The following PYGB variants were observed in gnomAD, a reference collection of about 807,000 sequenced individuals.
PYGB encodes glycogen phosphorylase B.
A neutral mutation model predicts 94.3 loss-of-function variants in PYGB; 82 were observed. That is an observed-to-expected ratio of 0.87 (90% CI 0.73 to 1.04). The LOEUF (loss-of-function observed/expected upper bound fraction) is 1.04, where lower values mean the gene tolerates loss of function less well. Among genes scored for constraint, PYGB ranks in the 50% least tolerant of loss-of-function variants. The pLI, the probability that PYGB is intolerant of heterozygous loss-of-function variation, is 0.00. For synonymous variants in PYGB, 488 were observed against 479.1 expected (o/e 1.02, Z -0.24); for missense variants, 1,132 against 1,158.2 (o/e 0.98, Z 0.33).
chr20:25,280,559 T>C, intron 10 of PYGB, 147 bp downstream of exon 10: 1 of 1,179,956 alleles, frequency 8.5e-7, no homozygotes, highest in East Asian at 2.5e-5. Flanking sequence ...GGCTGTCCCT[T>C]GGCAGAGCTA....
intron 17 of PYGB, 174 bp from the exon 18 acceptor site, chr20:25,293,984 T>C: frequency 2.6e-6 from 2 of 757,630 alleles, no homozygotes; most frequent in Non-Finnish European, 2.1e-6. Flanking sequence ...AGCAGGTCCC[T>C]GCTCAAGGGC....
intron 14 of PYGB, among the ~76,000 whole-genome samples, chr20:25,285,814 G>C (rs2257808): frequency 0.45 from 68,441 of 151,918 alleles, 16,029 homozygotes; most frequent in East Asian, 0.92. Context: ...TTTGAGTCTG[G>C]TGGTGAGTAT....
chr20:25,273,749 G>A (rs953618200), intron 4 of PYGB, among the ~76,000 whole-genome samples: 1 of 150,228 alleles, frequency 6.7e-6, no homozygotes, highest in African/African-American at 2.5e-5. Flanking sequence ...GGAACAGCTT[G>A]TCTTCCTGGG....
chr20:25,255,334 T>A (rs530076174), intron 1 of PYGB, among the ~76,000 whole-genome samples: 64 of 152,368 alleles, frequency 4.2e-4, no homozygotes, highest in African/African-American at 1.5e-3. Flanking sequence ...GGATGGTATC[T>A]GAGACTGCTC....
At chr20:25,265,955 A>G (rs1370808264) in intron 2 of PYGB, among the ~76,000 whole-genome samples, 1 of 151,956 alleles carries the variant, frequency 6.6e-6, no homozygotes, top group African/African-American at 2.4e-5. Context: ...AGCGTATCAG[A>G]TATGTGATTT....
intron 13 of PYGB, 83 bp downstream of exon 13, chr20:25,283,360 C>A: frequency 4.1e-6 from 5 of 1,227,134 alleles, no homozygotes; most frequent in Non-Finnish European, 5.8e-6. Context: ...CTCCTACAGG[C>A]CCAGCACAGG....
intron 7 of PYGB, 138 bp from the exon 8 acceptor site, chr20:25,278,181 C>G: frequency 1.0e-6 from 1 of 959,252 alleles, no homozygotes; most frequent in Non-Finnish European, 1.5e-6. Flanking sequence ...GGCACACAGG[C>G]AGGCCCCAGT....
intron 19 of PYGB, 100 bp from the exon 20 acceptor site, chr20:25,296,270 G>A (rs542426973): frequency 6.8e-5 from 99 of 1,451,614 alleles, no homozygotes; most frequent in East Asian, 3.5e-4. Context: ...CCCAAGGCTC[G>A]GAGCTCATTT....
At chr20:25,264,806 G>A (rs1441939735) in intron 2 of PYGB, among the ~76,000 whole-genome samples, 1 of 152,238 alleles carries the variant, frequency 6.6e-6, no homozygotes, top group Non-Finnish European at 1.5e-5. Context: ...AACATTCCAT[G>A]CTCATGGATA....
chr20:25,280,632 C>T (rs2088357707), intron 10 of PYGB, among the ~76,000 whole-genome samples: 1 of 152,244 alleles, frequency 6.6e-6, no homozygotes, highest in Non-Finnish European at 1.5e-5. Flanking sequence ...AATTGCACGT[C>T]CTCTCCCTCA....
chr20:25,287,091 T>C (rs2088424890), intron 14 of PYGB, among the ~76,000 whole-genome samples: 1 of 152,164 alleles, frequency 6.6e-6, no homozygotes, highest in Non-Finnish European at 1.5e-5. Flanking sequence ...GCTCATCCCC[T>C]TTTTGTAGGA....
intron 1 of PYGB, among the ~76,000 whole-genome samples, chr20:25,256,089 A>C (rs976099024): frequency 6.6e-6 from 1 of 152,152 alleles, no homozygotes; most frequent in African/African-American, 2.4e-5. Flanking sequence ...TTTCCACCAG[A>C]GTATTAAGAC....
At chr20:25,281,311 C>T (rs562696587) in intron 11 of PYGB, among the ~76,000 whole-genome samples, 199 bp downstream of exon 11, 5 of 152,342 alleles carry the variant, frequency 3.3e-5, no homozygotes, top group East Asian at 1.9e-4. Flanking sequence ...GACCAGCACA[C>T]GGGGGCCTCT....
chr20:25,292,266 G>C (rs559599649), intron 16 of PYGB, 140 bp from the exon 17 acceptor site: 6 of 982,508 alleles, frequency 6.1e-6, no homozygotes, highest in Admixed American at 2.5e-5. Context: ...GAGCGGGAGT[G>C]GGGGCTGGAG....
chr20:25,271,603 GC>G, intron 4 of PYGB, 117 bp downstream of exon 4: 1 of 1,138,648 alleles, frequency 8.8e-7, no homozygotes, highest in Non-Finnish European at 1.3e-6. Context: ...CTGCAGGCCG[GC>G]CAGGGCAATG....
At chr20:25,275,878 T>C (rs558860032) in intron 5 of PYGB, among the ~76,000 whole-genome samples, 3 of 152,244 alleles carry the variant, frequency 2.0e-5, no homozygotes, top group Admixed American at 6.5e-5. Flanking sequence ...GGGGTTTTAG[T>C]CTTGGTGGCC....
At position 25,279,163 on chromosome 20, in the gene PYGB, A is replaced by C. The variant is rs201179457; in HGVS notation, c.1092+14A>C. On this transcript the variant is annotated intron_variant, in intron 9 of 19. Coordinates refer to ENST00000216962, the MANE Select transcript of PYGB (RefSeq NM_002862.4). ...GACTGGGACAAGGTGAGCATGGAGG[A>C]AAAGGGCGGCACCTCCCCAGAGCCT... The C allele has an allele frequency of 2.2e-5, 36 of 1,611,588 alleles. No homozygotes were observed. The highest frequency in any genetic ancestry group is 2.7e-5 in the Non-Finnish European group (32 of 1,178,452).
rs138298329 is a variant in PYGB, at chr20:25,260,889, A to G, written c.345+1551A>G. On this transcript the variant is annotated intron_variant, in intron 2 of 19. Transcript: ENST00000216962. ...CGGAGCCTCACTCATTGCTAGCACA[A>G]CAGTATGAGATTGAACTGCAAGGCG... is the stretch of plus-strand genomic sequence containing the variant. Among the ~76,000 whole-genome samples, 417 of 152,334 alleles carry G rather than the reference A, an allele frequency of 2.7e-3. 2 individuals are homozygous for G. The highest frequency in any genetic ancestry group is 6.8e-3 in the Middle Eastern group (2 of 294).
At chr20:25,259,151 T>C (rs2092908273) in intron 1 of PYGB, 86 bp from the exon 2 acceptor site, 2 of 1,202,712 alleles carry the variant, frequency 1.7e-6, no homozygotes, top group Admixed American at 3.8e-5. Context: ...GAGTGGGGGC[T>C]TGGCTTCATG....
Sources: allele counts gnomAD v4.1 joint callset (sites outside exome capture counted in the v4.1 genomes callset), GRCh38; gene constraint gnomAD v4.1.1; transcripts MANE v1.5; gene names NCBI Gene and HGNC (gene_info 2026-07-23, HGNC 2026-07-21).